Variants in ZNF174 observed in about 807,000 individuals in gnomAD.
The protein encoded by ZNF174 is zinc finger protein 174, also known as AW-1.
A neutral mutation model predicts 38.7 loss-of-function variants in ZNF174; 30 were observed. That is an observed-to-expected ratio of 0.78 (90% CI 0.58 to 1.05). ZNF174 has a LOEUF of 1.05. ZNF174 is among the 50% of genes least tolerant of loss of function. The probability of loss-of-function intolerance (pLI) is 0.00; values close to 1 mark genes in which losing one functional copy is unlikely to be tolerated. For missense variants in ZNF174, 499 were observed against 495.6 expected (o/e 1.01, Z -0.06); for synonymous variants, 201 against 181.7 (o/e 1.11, Z -0.86).
At chr16:3,402,453 C>CTTT (rs56903674) in intron 1 of ZNF174, 47 bp downstream of exon 1, 106,917 of 1,273,170 alleles carry the variant, frequency 0.084, 47 homozygotes, top group East Asian at 0.14. Flanking sequence ...TTTTTCTTTT[C>CTTT]TTTTTTTTTT....
chr16:3,409,058 G>A lies in ZNF174; in HGVS notation c.*139G>A, dbSNP rs1171636862. 6.9e-6 allele frequency: 7 copies of A among 1,016,486 alleles called. No homozygotes were observed. Among genetic ancestry groups the A allele is most frequent in the Middle Eastern group, 3.2e-4 (1 of 3,102 alleles). The allele number at this position is 1,016,486 out of a possible 1,614,324, so 63.0% of individuals were successfully genotyped here. ...GAGGAATGATGATGCACATTCTGCT[G>A]TGAGGAGGCCCAGAAAAGGCCAACC... is the stretch of plus-strand genomic sequence containing the variant. On this transcript the variant is annotated 3_prime_UTR_variant, in exon 3 of 3. Coordinates refer to ENST00000268655, the MANE Select transcript of ZNF174 (RefSeq NM_003450.3).
Position 3,402,105 on chromosome 16 carries a change from C to T in ZNF174, c.101C>T (p.Pro34Leu), listed in dbSNP as rs1257005348. The T allele has an allele frequency of 1.2e-6, 2 of 1,614,190 alleles. No individual in the cohort carries two copies. Among genetic ancestry groups the T allele is most frequent in the Admixed American group, 1.7e-5 (1 of 60,006 alleles). ...IAKLEEKRGP[P>L]LQKNCPDPEL... ...AAACTAGAAGAGAAACGGGGCCCTC[C>T]TCTGCAAAAAAACTGCCCAGATCCT... Residue 34 changes from proline to leucine, a missense_variant, in exon 1 of 3, where the codon CCT (proline) becomes CTT (leucine). Coordinates refer to ENST00000268655, the MANE Select transcript of ZNF174 (RefSeq NM_003450.3).
intron 2 of ZNF174, 155 bp downstream of exon 2, chr16:3,404,803 G>A (rs1187044602): frequency 6.5e-7 from 1 of 1,543,324 alleles, no homozygotes; most frequent in East Asian, 2.3e-5. Context: ...CACTAATTAG[G>A]ATGGTGGTGA....
rs1222290890 is a variant in ZNF174 at position 3,408,849 on chromosome 16, G to A, written c.1154G>A (p.Gly385Asp). The A allele has an allele frequency of 6.2e-7, 1 of 1,614,112 alleles. No individual in the cohort carries two copies. Among genetic ancestry groups the A allele is most frequent in the South Asian group, 1.1e-5 (1 of 91,072 alleles). Reference sequence around the variant, plus strand: ...ACTGGAGAGAAGCCATACCAGTGTGGCCAGTGTGGGAAAAGCTTTCGCCAG... The same window carrying A: ...ACTGGAGAGAAGCCATACCAGTGTGACCAGTGTGGGAAAAGCTTTCGCCAG... ...IHTGEKPYQC[G>D]QCGKSFRQSS... Residue 385 changes from glycine to aspartate, a missense_variant, in exon 3 of 3, where the codon GGC (glycine) becomes GAC (aspartate). Transcript: ENST00000268655.
At position 3,404,536 on chromosome 16, in the gene ZNF174, G is replaced by GGA. The variant is rs1237624910; in HGVS notation, c.517_518dup (p.Ser173ArgfsTer16). The GGA allele has an allele frequency of 1.2e-6, 2 of 1,614,130 alleles. No homozygotes were observed. Among genetic ancestry groups the GGA allele is most frequent in the Non-Finnish European group, 1.7e-6 (2 of 1,180,014 alleles). Reference sequence around the variant, plus strand: ...CGCAGACTCCTAGGAGAGATCTCAGGGAGAGCTCTCCAGCAGAGCCTTCCC... The same window carrying GGA: ...CGCAGACTCCTAGGAGAGATCTCAGGGAGAGAGCTCTCCAGCAGAGCCTTCCC... On this transcript the variant is annotated frameshift_variant, in exon 2 of 3. Transcript: ENST00000268655. LOFTEE classifies it high-confidence loss of function.
Position 3,409,117 on chromosome 16 carries a change from G to T in ZNF174, c.*198G>T. On this transcript the variant is annotated 3_prime_UTR_variant, in exon 3 of 3. Transcript: ENST00000268655. ...ACCGTGCATGATGACAGGGTGAAGA[G>T]AAGGCAGGTCTGGGCACTGGGGCAA... 1 of 611,832 alleles carries T rather than the reference G, an allele frequency of 1.6e-6. No homozygotes were observed. 37.9% of individuals were successfully genotyped at this position (611,832 alleles called of 1,614,324 possible).
chr16:3,406,888 G>C (rs112917237), intron 2 of ZNF174, among the ~76,000 whole-genome samples: 2 of 152,158 alleles, frequency 1.3e-5, no homozygotes, highest in African/African-American at 4.8e-5. Context: ...AGGAGACATA[G>C]ATTTAGCTCT....
chr16:3,402,236 G>C lies in ZNF174; in HGVS notation c.232G>C (p.Glu78Gln). 1.9e-6 allele frequency: 3 copies of C among 1,614,114 alleles called. No individual in the cohort carries two copies. The highest frequency in any genetic ancestry group is 2.5e-6 in the Non-Finnish European group (3 of 1,180,018). Reference sequence around the variant, plus strand: ...GCTCTGCCGTCAGTGGTTGCAACCCGAGCTGCACACCAAGGAGCAGATTTT... The same window carrying C: ...GCTCTGCCGTCAGTGGTTGCAACCCCAGCTGCACACCAAGGAGCAGATTTT... ...RQLCRQWLQP[E>Q]LHTKEQILEL... Residue 78 changes from glutamate (E) to glutamine (Q), a missense_variant, in exon 1 of 3, where the codon GAG becomes CAG. Physicochemically the swap from Glu to Gln is conservative, Grantham distance 29. Coordinates refer to ENST00000268655, the MANE Select transcript of ZNF174 (RefSeq NM_003450.3).
Position 3,402,248 on chromosome 16 carries a change from A to T in ZNF174, c.244A>T (p.Lys82Ter). 6.2e-7 allele frequency: 1 copy of T among 1,614,056 alleles called. No homozygotes were observed. The highest frequency in any genetic ancestry group is 8.5e-7 in the Non-Finnish European group (1 of 1,179,998). The change falls in exon 1 of 3, where the codon AAG becomes TAG. Residue 82 changes from lysine to a stop codon, truncating the protein, a stop_gained. Transcript: ENST00000268655. LOFTEE classifies it high-confidence loss of function. ...RQWLQPELHT[K>*]EQILELLVME... Reference sequence around the variant, plus strand: ...GTGGTTGCAACCCGAGCTGCACACCAAGGAGCAGATTTTGGAGCTTCTGGT... The same window carrying T: ...GTGGTTGCAACCCGAGCTGCACACCTAGGAGCAGATTTTGGAGCTTCTGGT...
At position 3,402,083 on chromosome 16, in the gene ZNF174, C is replaced by T. The variant is rs2033923550; in HGVS notation, c.79C>T (p.Leu27=). 4 of 1,614,194 alleles carry T rather than the reference C, an allele frequency of 2.5e-6. No homozygotes were observed. Among genetic ancestry groups the T allele is most frequent in the Non-Finnish European group, 3.4e-6 (4 of 1,180,038 alleles). The change falls in exon 1 of 3, where the codon CTA becomes TTA. Residue 27 remains leucine, a synonymous_variant. Transcript: ENST00000268655. Reference sequence around the variant, plus strand: ...GCAAGAGAGACACATAATAGCCAAACTAGAAGAGAAACGGGGCCCTCCTCT... The same window carrying T: ...GCAAGAGAGACACATAATAGCCAAATTAGAAGAGAAACGGGGCCCTCCTCT... ...SKQERHIIAK[L]EEKRGPPLQK...
At chr16:3,406,480 A>G (rs1310364101) in intron 2 of ZNF174, among the ~76,000 whole-genome samples, 1 of 152,160 alleles carries the variant, frequency 6.6e-6, no homozygotes, top group Non-Finnish European at 1.5e-5. Flanking sequence ...TACCCATCCT[A>G]TTCGGTGAGA....
At chr16:3,402,448 CTTTTCTTTTTTTTTTT>C (rs779191206) in intron 1 of ZNF174, 42 bp downstream of exon 1, 61 of 1,264,122 alleles carry the variant, frequency 4.8e-5, no homozygotes, top group Non-Finnish European at 6.1e-5. Context: ...ATTTCTTTTT[CTTTTCTTTTTTTTTTT>C]TTTTCTTTTT....
intron 2 of ZNF174, 126 bp from the exon 3 acceptor site, chr16:3,408,195 G>T: frequency 1.1e-6 from 1 of 887,862 alleles, no homozygotes; most frequent in Non-Finnish European, 1.8e-6. Context: ...AAGTGCTCCA[G>T]ATGAGTCTAA....
rs766608493 is a variant in ZNF174, at chr16:3,404,413, G to A, written c.403-13G>A. 6.3e-7 allele frequency: 1 copy of A among 1,591,230 alleles called. No homozygotes were observed. Among genetic ancestry groups the A allele is most frequent in the Non-Finnish European group, 8.6e-7 (1 of 1,165,924 alleles). ...CCTGATGGATGGAATTAATGGATGG[G>A]GCTTGTTCCTAGGTGGCCGTTTGTA... On this transcript the variant is annotated splice_polypyrimidine_tract_variant and intron_variant, in intron 1 of 2. Coordinates refer to ENST00000268655, the MANE Select transcript of ZNF174 (RefSeq NM_003450.3).
At position 3,401,720 on chromosome 16, in the gene ZNF174, A is replaced by G. The variant is rs2033907822; in HGVS notation, c.-285A>G. 5.8e-6 allele frequency: 2 copies of G among 342,766 alleles called. No homozygotes were observed. Among genetic ancestry groups the G allele is most frequent in the African/African-American group, 2.2e-5 (1 of 45,136 alleles). 21.2% of individuals were successfully genotyped at this position (342,766 alleles called of 1,614,324 possible). A position where few individuals can be genotyped will look rare whatever the true frequency, so the allele number is the denominator to read the frequency against. On this transcript the variant is annotated 5_prime_UTR_variant, in exon 1 of 3. Transcript: ENST00000268655. ...TGCTTGCTACTGAAATAAAAGAAGT[A>G]TTTTTTCCCCAGAGTCCTTTTAGGA... is the stretch of plus-strand genomic sequence containing the variant.
In ZNF174 at chr16:3,403,391, G is replaced by A. The variant is rs1445338226; in HGVS notation, c.402+985G>A. 2.6e-5 allele frequency among the ~76,000 whole-genome samples: 4 copies of A among 151,278 alleles called. No individual in the cohort carries two copies. The South Asian group carries it at 6.3e-4, about 24-fold the overall frequency. On this transcript the variant is annotated intron_variant, in intron 1 of 2. Coordinates refer to ENST00000268655, the MANE Select transcript of ZNF174 (RefSeq NM_003450.3). Reference sequence around the variant, plus strand: ...TCACTATGTTGGCCAGGCTAGTCTCGAACTCCTGACCTCAAGTGATCCTCC... The same window carrying A: ...TCACTATGTTGGCCAGGCTAGTCTCAAACTCCTGACCTCAAGTGATCCTCC...
chr16:3,402,305 G>C lies in ZNF174; in HGVS notation c.301G>C (p.Glu101Gln), dbSNP rs1237228159. The C allele has an allele frequency of 1.2e-6, 2 of 1,613,992 alleles. No homozygotes were observed. The highest frequency in any genetic ancestry group is 1.3e-5 in the African/African-American group (1 of 74,884). Residue 101 changes from glutamate to glutamine, a missense_variant, in exon 1 of 3, where the codon GAG becomes CAG. By Grantham distance (29) the Glu-to-Gln change is conservative. Coordinates refer to ENST00000268655, the MANE Select transcript of ZNF174 (RefSeq NM_003450.3). ...MEQFLTILPP[E>Q]IQARVRHRCP... The stretch of plus-strand genomic sequence containing the variant: ...GCAGTTCCTGACCATCCTGCCCCCG[G>C]AGATCCAGGCTCGGGTCAGGCATCG...
intron 2 of ZNF174, among the ~76,000 whole-genome samples, 196 bp from the exon 3 acceptor site, chr16:3,408,125 A>AC (rs957854011): frequency 6.6e-6 from 1 of 152,022 alleles, no homozygotes; most frequent in Non-Finnish European, 1.5e-5. Flanking sequence ...ATCAGGCCCA[A>AC]CCCCCCGAGA....
In ZNF174 at chr16:3,401,454, G is replaced by C. The variant is rs1187610027; in HGVS notation, c.-551G>C. The stretch of plus-strand genomic sequence containing the variant: ...AGGCCGGAGCCACTGGGCCTGCGGC[G>C]CCTCGGCAGCGAGCAGCCGCTTTGC... On this transcript the variant is annotated 5_prime_UTR_variant, in exon 1 of 3. Transcript: ENST00000268655. 1 of 152,746 alleles carries C rather than the reference G, an allele frequency of 6.5e-6. No homozygotes were observed. The highest frequency in any genetic ancestry group is 1.5e-5 in the Non-Finnish European group (1 of 68,382). 9.5% of individuals were successfully genotyped at this position (152,746 alleles called of 1,614,324 possible). A position where few individuals can be genotyped will look rare whatever the true frequency, so the allele number is the denominator to read the frequency against.
Sources: allele counts gnomAD v4.1 joint callset (sites outside exome capture counted in the v4.1 genomes callset), GRCh38; gene constraint gnomAD v4.1.1; transcripts MANE v1.5; gene names NCBI Gene and HGNC (gene_info 2026-07-23, HGNC 2026-07-21).